The following TLN2 variants were observed in gnomAD, a reference collection of about 807,000 sequenced individuals.
TLN2 encodes talin 2, also known as talin-2.
TLN2 carries 118 observed loss-of-function variants against 294.7 expected under a neutral mutation model. The observed-to-expected ratio is 0.40, with a 90% CI of 0.34 to 0.47. The LOEUF (loss-of-function observed/expected upper bound fraction) is 0.47, where lower values mean the gene tolerates loss of function less well. TLN2 is among the 20% of genes least tolerant of loss of function. The pLI is 0.84. For synonymous variants in TLN2, 1,431 were observed against 1,304.5 expected (o/e 1.10, Z -2.09); for missense variants, 3,083 against 3,282.2 (o/e 0.94, Z 1.48).
intron 52 of TLN2, among the ~76,000 whole-genome samples, chr15:62,818,362 A>G (rs1417807767): frequency 6.6e-6 from 1 of 152,188 alleles, no homozygotes; most frequent in East Asian, 1.9e-4. Context: ...GAAAGAGATA[A>G]CAGAAAAGAG....
In TLN2 at chr15:62,752,373, A is replaced by T; in HGVS notation, c.4278A>T (p.Glu1426Asp). The change falls in exon 35 of 59, where the codon GAA (glutamate) becomes GAT (aspartate). Residue 1426 changes from glutamate to aspartate, a missense_variant. By Grantham distance (45) the Glu-to-Asp change is conservative. Transcript: ENST00000636159. ...CCGGAGACCTCCCTGCCTTTGGGGA[A>T]TGTGTGGGGATTGCATCCAAGGCTC... ...AKTGDLPAFG[E>D]CVGIASKALC... The T allele has an allele frequency of 1.2e-6, 2 of 1,613,994 alleles. No individual in the cohort carries two copies. The highest frequency in any genetic ancestry group is 1.7e-6 in the Non-Finnish European group (2 of 1,179,974).
chr15:62,593,048 T>A (rs1416758277), intron 2 of TLN2, among the ~76,000 whole-genome samples: 1 of 152,224 alleles, frequency 6.6e-6, no homozygotes, highest in Non-Finnish European at 1.5e-5. Flanking sequence ...AATTTTTAGT[T>A]CCCACTGCTA....
chr15:62,455,552 G>C (rs1281415266), intron 1 of TLN2, among the ~76,000 whole-genome samples: 1 of 152,136 alleles, frequency 6.6e-6, no homozygotes, highest in Non-Finnish European at 1.5e-5. Flanking sequence ...TTGACTTTTA[G>C]AAAGAGTAAC....
chr15:62,662,981 G>A (rs1408185004), intron 9 of TLN2, among the ~76,000 whole-genome samples: 4 of 151,792 alleles, frequency 2.6e-5, no homozygotes, highest in Non-Finnish European at 5.9e-5. Context: ...CTGCCACCAC[G>A]CCCGGCTAAT....
At chr15:62,475,827 T>A (rs1052021230) in intron 1 of TLN2, among the ~76,000 whole-genome samples, 1 of 152,188 alleles carries the variant, frequency 6.6e-6, no homozygotes, top group Admixed American at 6.5e-5. Flanking sequence ...CTGCTTTGTC[T>A]CTTCAGTTAG....
chr15:62,702,960 T>A, intron 19 of TLN2, 96 bp downstream of exon 19: 2 of 1,104,294 alleles, frequency 1.8e-6, no homozygotes, highest in Non-Finnish European at 2.7e-6. Flanking sequence ...TAACTAAATC[T>A]TTGAGATAGT....
chr15:62,688,635 A>C (rs1287039174), intron 12 of TLN2, among the ~76,000 whole-genome samples: 1 of 152,066 alleles, frequency 6.6e-6, no homozygotes, highest in Non-Finnish European at 1.5e-5. Flanking sequence ...GGATTTTTCT[A>C]CTTTTTCTTT....
chr15:62,510,193 A>G (rs2140450080), intron 1 of TLN2, among the ~76,000 whole-genome samples: 1 of 152,092 alleles, frequency 6.6e-6, no homozygotes, highest in East Asian at 1.9e-4. Flanking sequence ...TTCTCATGAC[A>G]GGTGCTGCCA....
rs368082410 is a variant in TLN2, at chr15:62,722,382, A to G, written c.3021A>G (p.Lys1007=). 5.6e-5 allele frequency: 90 copies of G among 1,612,402 alleles called. No individual in the cohort carries two copies. Among genetic ancestry groups the G allele is most frequent in the Non-Finnish European group, 7.4e-5 (87 of 1,178,906 alleles). ...GAAGCAAGATGGTGTCCTCTGCCAAAGCCGCAGTGCCCACCGTGAGTGACC... is the reference window on the plus strand; with the variant it reads ...GAAGCAAGATGGTGTCCTCTGCCAAGGCCGCAGTGCCCACCGTGAGTGACC... The part of the protein sequence containing the change: ...QPGSKMVSSA[K]AAVPTVSDQA... Residue 1007 remains lysine (K), a synonymous_variant, in exon 26 of 59, where the codon AAA becomes AAG. Coordinates refer to ENST00000636159, the MANE Select transcript of TLN2 (RefSeq NM_015059.3).
At chr15:62,409,069 C>G (rs1480864449) in intron 1 of TLN2, among the ~76,000 whole-genome samples, 1 of 151,960 alleles carries the variant, frequency 6.6e-6, no homozygotes, top group Non-Finnish European at 1.5e-5. Context: ...CCTCTGCCCT[C>G]CAGGTTCAAG....
intron 1 of TLN2, among the ~76,000 whole-genome samples, chr15:62,582,806 G>T (rs771036750): frequency 6.6e-6 from 1 of 152,136 alleles, no homozygotes; most frequent in Non-Finnish European, 1.5e-5. Flanking sequence ...GAGGGAAGCT[G>T]GCAAGCAGGT....
At chr15:62,570,529 T>C (rs979062413) in intron 1 of TLN2, among the ~76,000 whole-genome samples, 3 of 152,176 alleles carry the variant, frequency 2.0e-5, no homozygotes, top group Non-Finnish European at 4.4e-5. Flanking sequence ...CGTCTTTCTC[T>C]TTCTTTCTTT....
intron 47 of TLN2, 76 bp downstream of exon 47, chr15:62,796,369 C>A (rs1383488414): frequency 6.7e-7 from 1 of 1,487,214 alleles, no homozygotes. Context: ...GGAGACGCCA[C>A]CTGGGAGCCA....
At chr15:62,836,251 G>A (rs1305646432) in intron 57 of TLN2, 178 bp downstream of exon 57, 4 of 896,052 alleles carry the variant, frequency 4.5e-6, no homozygotes, top group African/African-American at 1.7e-5. Flanking sequence ...GCCCCACCAC[G>A]CTGCCATTCT....
chr15:62,537,080 T>G (rs1297451540), intron 1 of TLN2, among the ~76,000 whole-genome samples: 1 of 151,776 alleles, frequency 6.6e-6, no homozygotes, highest in East Asian at 1.9e-4. Flanking sequence ...GTGCAGTGGC[T>G]TGATCTCAGC....
intron 1 of TLN2, among the ~76,000 whole-genome samples, chr15:62,517,939 G>A (rs7170241): frequency 0.5 from 75,983 of 152,018 alleles, 20,132 homozygotes; most frequent in African/African-American, 0.68. Context: ...GAAAAATGGG[G>A]TTAATGATTT....
intron 3 of TLN2, among the ~76,000 whole-genome samples, chr15:62,631,014 T>C (rs1014165147): frequency 6.6e-6 from 1 of 152,218 alleles, no homozygotes; most frequent in African/African-American, 2.4e-5. Flanking sequence ...TAAGCCATTT[T>C]TTTTTCTAAG....
At chr15:62,708,060 C>T (rs2059182229) in intron 20 of TLN2, among the ~76,000 whole-genome samples, 1 of 151,940 alleles carries the variant, frequency 6.6e-6, no homozygotes, top group African/African-American at 2.4e-5. Context: ...TGACAGAACC[C>T]CCCTGTTCTT....
Position 62,739,457 on chromosome 15 carries a change from G to A in TLN2, c.3797G>A (p.Ser1266Asn). Residue 1266 changes from serine (S) to asparagine (N), a missense_variant, in exon 31 of 59, where the codon AGT becomes AAT. Transcript: ENST00000636159. ...GEVVHATRGQ[S>N]GELAAASGKF... ...GTGGTCCATGCCACCCGGGGCCAGA[G>A]TGGAGAGTTGGCTGCAGCCTCTGGA... 2 of 1,614,222 alleles carry A rather than the reference G, an allele frequency of 1.2e-6. No individual in the cohort carries two copies. The highest frequency in any genetic ancestry group is 1.7e-6 in the Non-Finnish European group (2 of 1,180,054).
Sources: allele counts gnomAD v4.1 joint callset (sites outside exome capture counted in the v4.1 genomes callset), GRCh38; gene constraint gnomAD v4.1.1; transcripts MANE v1.5; gene names NCBI Gene and HGNC (gene_info 2026-07-23, HGNC 2026-07-21).